The following CTDSPL2 variants were observed in gnomAD, a reference collection of about 807,000 sequenced individuals.
CTDSPL2 encodes CTD small phosphatase like 2.
CTDSPL2 carries 5 observed loss-of-function variants against 60.0 expected under a neutral mutation model. That is an observed-to-expected ratio of 0.08 (90% CI 0.04 to 0.18). The LOEUF (loss-of-function observed/expected upper bound fraction) is 0.18, where lower values mean the gene tolerates loss of function less well. Ranked by LOEUF, CTDSPL2 falls within the 10% of genes least tolerant of loss-of-function variation. The pLI, the probability that CTDSPL2 is intolerant of heterozygous loss-of-function variation, is 1.00. For synonymous variants in CTDSPL2, 186 were observed against 189.3 expected (o/e 0.98, Z 0.14); for missense variants, 370 against 548.8 (o/e 0.67, Z 3.26).
chr15:44,491,603 T>C (rs559542865), intron 5 of CTDSPL2, among the ~76,000 whole-genome samples: 16 of 152,248 alleles, frequency 1.1e-4, no homozygotes, highest in Non-Finnish European at 1.9e-4. Context: ...TCCACCATTC[T>C]TAAAAGCAGA....
At chr15:44,441,277 T>C (rs1011778775) in intron 1 of CTDSPL2, among the ~76,000 whole-genome samples, 4 of 152,134 alleles carry the variant, frequency 2.6e-5, no homozygotes, top group African/African-American at 9.7e-5. Context: ...TAACTGGGCT[T>C]GCTGTTCCTC....
intron 5 of CTDSPL2, among the ~76,000 whole-genome samples, chr15:44,495,565 A>G (rs2081285064): frequency 6.6e-6 from 1 of 150,778 alleles, no homozygotes; most frequent in Non-Finnish European, 1.5e-5. Context: ...AAAAAAAAAG[A>G]GATCATAGTC....
At chr15:44,445,381 G>A (rs1485725178) in intron 1 of CTDSPL2, among the ~76,000 whole-genome samples, 1 of 151,134 alleles carries the variant, frequency 6.6e-6, no homozygotes, top group Non-Finnish European at 1.5e-5. Context: ...GTAGATACAG[G>A]GTTTCATCAT....
chr15:44,474,389 G>A (rs2080872356), intron 2 of CTDSPL2, among the ~76,000 whole-genome samples: 1 of 152,204 alleles, frequency 6.6e-6, no homozygotes, highest in Non-Finnish European at 1.5e-5. Context: ...TACTCAGGAG[G>A]CTGAGGCGGG....
In CTDSPL2 at chr15:44,486,705, G is replaced by A; in HGVS notation, c.475+5G>A. ...TTTCACCAGCAAATAAAAATGGTAA[G>A]TATAAACTGTTAACTGTGATTTGGA... On this transcript the variant is annotated splice_donor_5th_base_variant and intron_variant, in intron 4 of 12. Coordinates refer to ENST00000260327, the MANE Select transcript of CTDSPL2 (RefSeq NM_016396.3). The A allele has an allele frequency of 6.7e-7, 1 of 1,488,728 alleles. No individual in the cohort carries two copies. The highest frequency in any genetic ancestry group is 9.0e-7 in the Non-Finnish European group (1 of 1,109,396). The allele number at this position is 1,488,728 out of a possible 1,614,324, so 92.2% of individuals were successfully genotyped here. A position where few individuals can be genotyped will look rare whatever the true frequency, so the allele number is the denominator to read the frequency against.
At chr15:44,433,901 C>T (rs535814994) in intron 1 of CTDSPL2, among the ~76,000 whole-genome samples, 1 of 146,152 alleles carries the variant, frequency 6.8e-6, no homozygotes, top group Admixed American at 6.9e-5. Context: ...TGCAGTGAAT[C>T]GAGATTGCGC....
rs193026126 is a variant in CTDSPL2 at position 44,475,533 on chromosome 15, G to C, written c.187-8691G>C. ...GGGCACCTGTAATCCCAGCTACTCG[G>C]GAGGCTGAGGCAGGAGAATCGCTTG... On this transcript the variant is annotated intron_variant, in intron 2 of 12. Coordinates refer to ENST00000260327, the MANE Select transcript of CTDSPL2 (RefSeq NM_016396.3). Among the ~76,000 whole-genome samples the C allele has an allele frequency of 4.4e-3, 674 of 152,054 alleles. 2 individuals are homozygous for C. Among genetic ancestry groups the C allele is most frequent in the South Asian group, 5.8e-3 (28 of 4,810 alleles).
intron 2 of CTDSPL2, among the ~76,000 whole-genome samples, chr15:44,465,136 C>T (rs918643260): frequency 2.0e-5 from 3 of 152,142 alleles, no homozygotes; most frequent in African/African-American, 7.2e-5. Context: ...TCTTTGGTCT[C>T]TCAAATACAG....
chr15:44,522,551 G>A (rs1463636057), intron 12 of CTDSPL2, among the ~76,000 whole-genome samples: 1 of 152,030 alleles, frequency 6.6e-6, no homozygotes, highest in Non-Finnish European at 1.5e-5. Context: ...TCAGGAGGTC[G>A]AGACCAGCCT....
chr15:44,456,183 G>A (rs1463632915), intron 1 of CTDSPL2, among the ~76,000 whole-genome samples: 1 of 152,186 alleles, frequency 6.6e-6, no homozygotes, highest in Non-Finnish European at 1.5e-5. Context: ...TGTTCATCAA[G>A]GATATTGGTC....
chr15:44,502,683 G>A (rs1009030325), intron 8 of CTDSPL2, among the ~76,000 whole-genome samples: 8 of 152,298 alleles, frequency 5.3e-5, no homozygotes, highest in Admixed American at 2.6e-4. Flanking sequence ...TAATAATTAT[G>A]AGAGTATATA....
intron 1 of CTDSPL2, among the ~76,000 whole-genome samples, chr15:44,431,908 G>C (rs2141251916): frequency 6.6e-6 from 1 of 151,776 alleles, no homozygotes; most frequent in African/African-American, 2.4e-5. Flanking sequence ...TTCTTTAGTA[G>C]AGATGAGGTT....
At chr15:44,495,318 C>T (rs1041029641) in intron 5 of CTDSPL2, among the ~76,000 whole-genome samples, 1 of 151,986 alleles carries the variant, frequency 6.6e-6, no homozygotes, top group African/African-American at 2.4e-5. Flanking sequence ...TGCGGTGGCT[C>T]ACGCCTGGAA....
Position 44,462,700 on chromosome 15 carries a change from CTTTT to C in CTDSPL2, c.186+3521_186+3524del, listed in dbSNP as rs554319789. On this transcript the variant is annotated intron_variant, in intron 2 of 12. Coordinates refer to ENST00000260327, the MANE Select transcript of CTDSPL2 (RefSeq NM_016396.3). Reference sequence around the variant, plus strand: ...GACTCTTGAACTAGAACACTCAGGACTTTTTTTTTTTTTTTTTTTTTTTTGAGAC... The same window carrying C: ...GACTCTTGAACTAGAACACTCAGGACTTTTTTTTTTTTTTTTTTTTGAGAC... 4.5e-3 allele frequency among the ~76,000 whole-genome samples: 380 copies of C among 83,722 alleles called. 5 individuals are homozygous for C. Among genetic ancestry groups the C allele is most frequent in the East Asian group, 0.041 (126 of 3,076 alleles). The allele number at this position is 83,722 out of a possible 152,430, so 54.9% of individuals were successfully genotyped here.
chr15:44,441,421 G>T (rs914563455), intron 1 of CTDSPL2, among the ~76,000 whole-genome samples: 2 of 152,170 alleles, frequency 1.3e-5, no homozygotes, highest in African/African-American at 2.4e-5. Flanking sequence ...TCCCATGTTC[G>T]CATATTGTGA....
chr15:44,508,383 A>G (rs1193355769), intron 8 of CTDSPL2, among the ~76,000 whole-genome samples: 1 of 152,052 alleles, frequency 6.6e-6, no homozygotes, highest in African/African-American at 2.4e-5. Flanking sequence ...ACATTGAGCC[A>G]CCACACCTGG....
At chr15:44,433,986 G>C (rs1376782644) in intron 1 of CTDSPL2, among the ~76,000 whole-genome samples, 1 of 151,426 alleles carries the variant, frequency 6.6e-6, no homozygotes, top group Non-Finnish European at 1.5e-5. Flanking sequence ...TATTTTAAGA[G>C]TGTGTTTTAG....
At chr15:44,484,615 C>G (rs2081087588) in intron 3 of CTDSPL2, among the ~76,000 whole-genome samples, 1 of 152,162 alleles carries the variant, frequency 6.6e-6, no homozygotes, top group African/African-American at 2.4e-5. Context: ...TGGCGCATGC[C>G]TGTAATCTCA....
chr15:44,433,779 G>A (rs946318280), intron 1 of CTDSPL2, among the ~76,000 whole-genome samples: 6 of 150,390 alleles, frequency 4.0e-5, no homozygotes, highest in Admixed American at 2.7e-4. Flanking sequence ...GTAAAACCCC[G>A]TCTCTACTAA....
Sources: allele counts gnomAD v4.1 joint callset (sites outside exome capture counted in the v4.1 genomes callset), GRCh38; gene constraint gnomAD v4.1.1; transcripts MANE v1.5; gene names NCBI Gene and HGNC (gene_info 2026-07-23, HGNC 2026-07-21).